Variants in ARL1 observed in about 807,000 individuals in gnomAD.
The protein encoded by ARL1 is ADP-ribosylation factor-like protein 1.
ARL1 carries 17 observed loss-of-function variants against 30.1 expected under a neutral mutation model. The ratio of observed to expected loss-of-function variants is 0.56; its 90% CI spans 0.39 to 0.85. The LOEUF (loss-of-function observed/expected upper bound fraction) is 0.85, where lower values mean the gene tolerates loss of function less well. Among genes scored for constraint, ARL1 ranks in the 40% least tolerant of loss-of-function variants. ARL1 has a pLI of 0.00. For missense variants in ARL1, 102 were observed against 212.6 expected, an observed-to-expected ratio of 0.48 and a Z score of 3.24; for synonymous variants, 58 against 71.7, an observed-to-expected ratio of 0.81 and a Z score of 0.97.
chr12:101,396,678 T>C, intron 4 of ARL1, 101 bp from the exon 5 acceptor site: 1 of 827,528 alleles, frequency 1.2e-6, no homozygotes, highest in South Asian at 2.2e-5. Flanking sequence ...TTATAATTAA[T>C]ATATTACACA....
chr12:101,402,668 G>C (rs967846254), intron 3 of ARL1, among the ~76,000 whole-genome samples, 197 bp downstream of exon 3: 1 of 152,156 alleles, frequency 6.6e-6, no homozygotes, highest in African/African-American at 2.4e-5. Flanking sequence ...CATTAAACAG[G>C]TATCTGGAAA....
chr12:101,399,564 C>T (rs1161213466), intron 4 of ARL1, among the ~76,000 whole-genome samples: 2 of 149,712 alleles, frequency 1.3e-5, no homozygotes, highest in South Asian at 2.2e-4. Flanking sequence ...ATAGTCCCCT[C>T]GTCTGAGGAT....
intron 3 of ARL1, among the ~76,000 whole-genome samples, chr12:101,401,798 CA>C (rs1197150501): frequency 6.6e-6 from 1 of 151,948 alleles, no homozygotes; most frequent in Non-Finnish European, 1.5e-5. Context: ...CAGACCTGAT[CA>C]TTACATCTTC....
intron 2 of ARL1, 35 bp from the exon 3 acceptor site, chr12:101,402,981 C>G: frequency 7.1e-7 from 1 of 1,408,532 alleles, no homozygotes; most frequent in Non-Finnish European, 9.9e-7. Flanking sequence ...TATGTGTAGA[C>G]TAATACATTC....
intron 2 of ARL1, chr12:101,403,380 G>A (rs1364521523): frequency 1.0e-5 from 3 of 299,836 alleles, no homozygotes; most frequent in African/African-American, 6.7e-5. Flanking sequence ...CCTCATAATA[G>A]AGTAGTTAAA....
intron 3 of ARL1, among the ~76,000 whole-genome samples, chr12:101,402,244 G>A (rs10860721): frequency 0.13 from 20,117 of 151,944 alleles, 3,096 homozygotes; most frequent in East Asian, 0.47. Flanking sequence ...GTGCAGTTGC[G>A]CGATCTCAGC....
intron 1 of ARL1, among the ~76,000 whole-genome samples, chr12:101,406,590 C>A (rs1871446954): frequency 6.6e-6 from 1 of 152,062 alleles, no homozygotes; most frequent in South Asian, 2.1e-4. Context: ...AAGCACAGTC[C>A]TTTTCCCATC....
At chr12:101,407,587 G>C in intron 1 of ARL1, 55 bp downstream of exon 1, 1 of 1,604,442 alleles carries the variant, frequency 6.2e-7, no homozygotes. Context: ...CTGCACCCCA[G>C]CCCTCGGCCG....
In ARL1 at chr12:101,401,048, T is replaced by A. The variant is rs773999547; in HGVS notation, c.336+14A>T. ...ATGACTGCCCCACATTTTAAAGTGG[T>A]TACGTTTTCTTACCTCCAACATGGC... On this transcript the variant is annotated intron_variant, in intron 4 of 5. Transcript: ENST00000261636. 45 of 1,570,494 alleles carry A rather than the reference T, an allele frequency of 2.9e-5. No homozygotes were observed. Among genetic ancestry groups the A allele is most frequent in the South Asian group, 2.6e-4 (23 of 89,952 alleles).
At chr12:101,407,586 A>C in intron 1 of ARL1, 56 bp downstream of exon 1, 1 of 1,604,356 alleles carries the variant, frequency 6.2e-7, no homozygotes, top group South Asian at 1.1e-5. Flanking sequence ...TCTGCACCCC[A>C]GCCCTCGGCC....
intron 2 of ARL1, among the ~76,000 whole-genome samples, chr12:101,403,908 C>T (rs1186547324): frequency 1.3e-5 from 2 of 151,918 alleles, no homozygotes; most frequent in East Asian, 1.9e-4. Context: ...TGCAGTGAGC[C>T]GAGATCTTGC....
At chr12:101,404,161 G>T (rs542876871) in intron 2 of ARL1, among the ~76,000 whole-genome samples, 1 of 152,148 alleles carries the variant, frequency 6.6e-6, no homozygotes, top group Non-Finnish European at 1.5e-5. Context: ...AATTAGGTAG[G>T]AGTGTAATCA....
intron 3 of ARL1, 33 bp from the exon 4 acceptor site, chr12:101,401,206 T>C (rs1323671000): frequency 6.8e-7 from 1 of 1,467,484 alleles, no homozygotes; most frequent in South Asian, 1.2e-5. Context: ...GAACATATTG[T>C]TATTGTTTTA....
chr12:101,407,393 G>A, intron 1 of ARL1: 1 of 446,020 alleles, frequency 2.2e-6, no homozygotes, highest in Non-Finnish European at 3.9e-6. Context: ...CTCTGCGGAC[G>A]TCCCCAAGCT....
chr12:101,399,477 C>A (rs185691338), intron 4 of ARL1, among the ~76,000 whole-genome samples: 31 of 142,096 alleles, frequency 2.2e-4, no homozygotes, highest in African/African-American at 8.0e-4. Flanking sequence ...ACGCCACTCA[C>A]TCCAGCCTGG....
chr12:101,399,767 C>T (rs1418438423), intron 4 of ARL1, among the ~76,000 whole-genome samples: 1 of 151,976 alleles, frequency 6.6e-6, no homozygotes, highest in African/African-American at 2.4e-5. Context: ...AATGCATCCT[C>T]TGAATTTGAT....
At chr12:101,407,470 C>T in intron 1 of ARL1, 172 bp downstream of exon 1, 2 of 807,330 alleles carry the variant, frequency 2.5e-6, no homozygotes, top group South Asian at 1.9e-5. Flanking sequence ...ACGCGAGAGG[C>T]CGGATCCACC....
In ARL1 at chr12:101,405,855, G is replaced by A; in HGVS notation, c.131C>T (p.Thr44Ile). Residue 44 changes from threonine to isoleucine, a missense_variant, in exon 2 of 6, where the codon ACT becomes ATT. Thr to Ile is a moderately conservative substitution (Grantham distance 89, BLOSUM62 -1). Coordinates refer to ENST00000261636, the MANE Select transcript of ARL1 (RefSeq NM_001177.6). ...ATACCAACACTTACTAGGTATAGTA[G>A]TAACAACTTCTCCCACTTGTAATCT... ...LYRLQVGEVV[T>I]TIPTIGFNVE... 6.4e-7 allele frequency: 1 copy of A among 1,564,178 alleles called. No individual in the cohort carries two copies.
At chr12:101,398,774 G>A (rs1442137852) in intron 4 of ARL1, among the ~76,000 whole-genome samples, 2 of 152,058 alleles carry the variant, frequency 1.3e-5, no homozygotes, top group African/African-American at 2.4e-5. Context: ...GTCCTGACTC[G>A]TACTTGGCCC....
Sources: gnomAD v4.1 joint callset for allele counts (sites outside exome capture counted in the v4.1 genomes callset) on GRCh38, gnomAD v4.1.1 for gene constraint, MANE v1.5 for transcripts, NCBI Gene and HGNC (gene_info 2026-07-23, HGNC 2026-07-21) for gene names.